MIPOL1: variants seen among roughly 807,000 people sequenced by gnomAD.
MIPOL1 encodes mirror-image polydactyly 1.
MIPOL1 carries 57 observed loss-of-function variants against 60.9 expected under a neutral mutation model. The ratio of observed to expected loss-of-function variants is 0.94; its 90% confidence interval spans 0.76 to 1.17. The LOEUF is 1.17. MIPOL1 is among the 50% of genes most tolerant of loss of function. MIPOL1 has a pLI of 0.00. For synonymous variants in MIPOL1, 179 were observed against 168.8 expected (o/e 1.06, Z -0.47); for missense variants, 551 against 511.6 (o/e 1.08, Z -0.74).
intron 1 of MIPOL1, among the ~76,000 whole-genome samples, chr14:37,222,755 C>T (rs1373488724): frequency 6.6e-6 from 1 of 152,100 alleles, no homozygotes; most frequent in Non-Finnish European, 1.5e-5. Context: ...TCTTCTGAGC[C>T]CTTAACAGAA....
At chr14:37,394,040 T>G (rs2153522515) in intron 10 of MIPOL1, among the ~76,000 whole-genome samples, 1 of 97,484 alleles carries the variant, frequency 1.0e-5, no homozygotes, top group Non-Finnish European at 2.1e-5. Flanking sequence ...TCATTCCTTT[T>G]TATGGCTTAG....
At chr14:37,466,968 T>C (rs1454133066) in intron 11 of MIPOL1, among the ~76,000 whole-genome samples, 1 of 152,232 alleles carries the variant, frequency 6.6e-6, no homozygotes, top group East Asian at 1.9e-4. Flanking sequence ...ACATAAATTT[T>C]AAAGTAAAGT....
At position 37,268,763 on chromosome 14, in the gene MIPOL1, A is replaced by T. The variant is rs778598896; in HGVS notation, c.357A>T (p.Glu119Asp). 1 of 1,594,300 alleles carries T rather than the reference A, an allele frequency of 6.3e-7. No individual in the cohort carries two copies. Among genetic ancestry groups the T allele is most frequent in the African/African-American group, 1.4e-5 (1 of 74,064 alleles). Reference protein sequence around the residue: ...KEKTIAFLLKELDILRTSNKK... With the variant: ...KEKTIAFLLKDLDILRTSNKK... The stretch of plus-strand genomic sequence containing the variant: ...AGACAATAGCATTTCTTCTAAAAGA[A>T]TTGGATATTCTCAGAACAAGCAATA... Residue 119 changes from glutamate to aspartate, a missense_variant, in exon 5 of 13, where the codon GAA becomes GAT. Glu to Asp is a conservative substitution (Grantham distance 45, BLOSUM62 2). Transcript: ENST00000684589.
At chr14:37,373,981 C>G (rs2153502086) in intron 10 of MIPOL1, among the ~76,000 whole-genome samples, 1 of 152,294 alleles carries the variant, frequency 6.6e-6, no homozygotes, top group East Asian at 1.9e-4. Context: ...AATAGTTGAA[C>G]TAATTTACAC....
intron 10 of MIPOL1, 124 bp from the exon 11 acceptor site, chr14:37,422,731 T>C (rs1272520878): frequency 1.5e-6 from 1 of 648,450 alleles, no homozygotes; most frequent in Non-Finnish European, 2.7e-6. Context: ...GAGACACTGC[T>C]AAAAACATTC....
intron 9 of MIPOL1, among the ~76,000 whole-genome samples, chr14:37,325,396 C>A (rs2089049593): frequency 6.6e-6 from 1 of 152,074 alleles, no homozygotes; most frequent in African/African-American, 2.4e-5. Flanking sequence ...TTTAAATTCA[C>A]TTTATTTCTT....
chr14:37,448,233 TA>T (rs1566623016), intron 11 of MIPOL1, among the ~76,000 whole-genome samples: 1 of 152,206 alleles, frequency 6.6e-6, no homozygotes, highest in African/African-American at 2.4e-5. Context: ...AATCTTCCTT[TA>T]AAGGGAGTCT....
At chr14:37,250,145 C>T (rs993870861) in intron 3 of MIPOL1, among the ~76,000 whole-genome samples, 1 of 152,174 alleles carries the variant, frequency 6.6e-6, no homozygotes, top group African/African-American at 2.4e-5. Context: ...CAGTTTACAG[C>T]AGACATGACT....
chr14:37,227,214 C>T (rs1469558776), intron 1 of MIPOL1, among the ~76,000 whole-genome samples: 2 of 152,220 alleles, frequency 1.3e-5, no homozygotes, highest in Non-Finnish European at 2.9e-5. Context: ...TTTTTAGCAT[C>T]TCTTAGGGAG....
chr14:37,501,790 G>A (rs2153614419), intron 12 of MIPOL1: 1 of 152,320 alleles, frequency 6.6e-6, no homozygotes, highest in South Asian at 2.1e-4. Context: ...AAGCAGGGCA[G>A]GGTGTCACCT....
At chr14:37,315,760 A>G (rs765533272) in intron 9 of MIPOL1, among the ~76,000 whole-genome samples, 17 of 152,210 alleles carry the variant, frequency 1.1e-4, no homozygotes, top group South Asian at 6.2e-4. Context: ...AAATTCAAGG[A>G]GAATTTTGAG....
At chr14:37,341,333 A>AT (rs1012880607) in intron 9 of MIPOL1, among the ~76,000 whole-genome samples, 9 of 152,068 alleles carry the variant, frequency 5.9e-5, no homozygotes, top group Admixed American at 5.2e-4. Context: ...GCCTATAGCT[A>AT]TTTTTTTGTT....
intron 9 of MIPOL1, among the ~76,000 whole-genome samples, chr14:37,356,425 T>C (rs1415170164): frequency 2.6e-5 from 4 of 152,148 alleles, no homozygotes; most frequent in Admixed American, 2.0e-4. Flanking sequence ...TGAGCTGTGG[T>C]GGGCTCCACC....
At chr14:37,241,589 G>A (rs1972366685) in intron 1 of MIPOL1, among the ~76,000 whole-genome samples, 1 of 150,340 alleles carries the variant, frequency 6.7e-6, no homozygotes, top group South Asian at 2.1e-4. Flanking sequence ...TGAGGGGGTG[G>A]GGGTGGGGAG....
chr14:37,527,019 A>G (rs1017982963), intron 12 of MIPOL1, among the ~76,000 whole-genome samples: 2 of 152,130 alleles, frequency 1.3e-5, no homozygotes, highest in African/African-American at 4.8e-5. Context: ...AATAAGATTA[A>G]GCTTTTAAAA....
In MIPOL1 at chr14:37,362,288, C is replaced by T. The variant is rs187368235; in HGVS notation, c.829-7229C>T. The stretch of plus-strand genomic sequence containing the variant: ...ATATTTAGTGCTTCCTTCAGGAGCT[C>T]TTGTAAGGCAGGCCTGGTGGTGGCA... On this transcript the variant is annotated intron_variant, in intron 9 of 12. Transcript: ENST00000684589. Among the ~76,000 whole-genome samples the T allele has an allele frequency of 3.2e-4, 48 of 152,202 alleles. No individual in the cohort carries two copies. The East Asian group carries it at 8.3e-3, about 26-fold the overall frequency.
intron 9 of MIPOL1, among the ~76,000 whole-genome samples, chr14:37,364,049 C>CT (rs1208749310): frequency 1.3e-5 from 2 of 152,220 alleles, no homozygotes; most frequent in Non-Finnish European, 2.9e-5. Flanking sequence ...TACTGCTTCC[C>CT]TTGGCTAGGA....
intron 9 of MIPOL1, among the ~76,000 whole-genome samples, chr14:37,353,222 A>T (rs987567320): frequency 3.4e-5 from 5 of 145,434 alleles, no homozygotes; most frequent in Non-Finnish European, 7.5e-5. Context: ...TGATTTGTGT[A>T]TATTGAACCA....
At chr14:37,544,905 G>GA (rs2095541934) in intron 12 of MIPOL1, among the ~76,000 whole-genome samples, 1 of 152,104 alleles carries the variant, frequency 6.6e-6, no homozygotes, top group Admixed American at 6.6e-5. Flanking sequence ...TCCTAATGTA[G>GA]AAAAAGGAAA....
Sources: gnomAD v4.1 joint callset for allele counts (sites outside exome capture counted in the v4.1 genomes callset) on GRCh38, gnomAD v4.1.1 for gene constraint, MANE v1.5 for transcripts, NCBI Gene and HGNC (gene_info 2026-07-23, HGNC 2026-07-21) for gene names.